Variants in EFNA5 observed in about 807,000 individuals in gnomAD.
EFNA5 encodes the protein ephrin A5, also known as ephrin-A5.
EFNA5 carries 5 observed loss-of-function variants against 22.9 expected under a neutral mutation model. The observed-to-expected ratio is 0.22, with a 90% CI of 0.11 to 0.46. EFNA5 has a LOEUF of 0.46. Ranked by LOEUF, EFNA5 falls within the 20% of genes least tolerant of loss-of-function variation. EFNA5 has a pLI of 0.99. For synonymous variants in EFNA5, 113 were observed against 112.2 expected, an observed-to-expected ratio of 1.01 and a Z score of -0.04; for missense variants, 237 against 293.3, an observed-to-expected ratio of 0.81 and a Z score of 1.40.
chr5:107,437,547 T>C (rs1271868948), intron 1 of EFNA5, among the ~76,000 whole-genome samples: 3 of 152,258 alleles, frequency 2.0e-5, no homozygotes, highest in Non-Finnish European at 4.4e-5. Context: ...TGAATGCAAA[T>C]TGCTGTAATT....
Position 107,541,143 on chromosome 5 carries a change from T to C in EFNA5, c.126-113634A>G, listed in dbSNP as rs1002296890. Among the ~76,000 whole-genome samples the C allele has an allele frequency of 9.9e-5, 15 of 152,060 alleles. No homozygotes were observed. In the East Asian group the frequency reaches 2.7e-3, roughly 27 times the overall value. On this transcript the variant is annotated intron_variant, in intron 1 of 4. Transcript: ENST00000333274. The stretch of plus-strand genomic sequence containing the variant: ...GAAGAAAGAAAGAAAAAGAAAAAAA[T>C]TAACTTTTATAAAGATTTCAATGGG...
At chr5:107,513,277 A>G (rs1369588396) in intron 1 of EFNA5, among the ~76,000 whole-genome samples, 2 of 152,142 alleles carry the variant, frequency 1.3e-5, no homozygotes, top group East Asian at 1.9e-4. Context: ...AGAGAGAGAG[A>G]GACTCTATCA....
chr5:107,597,922 A>G (rs1413031170), intron 1 of EFNA5, among the ~76,000 whole-genome samples: 1 of 152,188 alleles, frequency 6.6e-6, no homozygotes, highest in Non-Finnish European at 1.5e-5. Flanking sequence ...GTATTAAACA[A>G]ATGGAGAGAC....
intron 1 of EFNA5, among the ~76,000 whole-genome samples, chr5:107,579,284 T>A (rs1240254443): frequency 6.6e-6 from 1 of 152,206 alleles, no homozygotes; most frequent in African/African-American, 2.4e-5. Context: ...CTGTGTGACA[T>A]GGAGCCAGGT....
chr5:107,406,170 T>A (rs113134177), intron 2 of EFNA5, among the ~76,000 whole-genome samples: 11 of 148,200 alleles, frequency 7.4e-5, no homozygotes, highest in South Asian at 2.1e-4. Context: ...TTCTATGTAT[T>A]TATATACATA....
intron 1 of EFNA5, among the ~76,000 whole-genome samples, chr5:107,473,796 G>T (rs1401917886): frequency 6.6e-6 from 1 of 151,932 alleles, no homozygotes; most frequent in Non-Finnish European, 1.5e-5. Context: ...GAATAGCTGG[G>T]ATTACAGGCA....
At chr5:107,587,506 C>A (rs761653615) in intron 1 of EFNA5, among the ~76,000 whole-genome samples, 6 of 152,018 alleles carry the variant, frequency 3.9e-5, no homozygotes, top group Non-Finnish European at 7.4e-5. Flanking sequence ...TTGTTTTTGC[C>A]ACCTATAGTT....
chr5:107,605,309 C>T (rs577306093), intron 1 of EFNA5, among the ~76,000 whole-genome samples: 1 of 151,966 alleles, frequency 6.6e-6, no homozygotes, highest in Non-Finnish European at 1.5e-5. Context: ...TGCATGATGC[C>T]GAGACCATAA....
chr5:107,589,644 G>GA (rs1482504500), intron 1 of EFNA5, among the ~76,000 whole-genome samples: 1 of 152,178 alleles, frequency 6.6e-6, no homozygotes, highest in African/African-American at 2.4e-5. Context: ...AATGCGGAGT[G>GA]AAAGAGGCCA....
At position 107,514,588 on chromosome 5, in the gene EFNA5, A is replaced by G. The variant is rs946266424; in HGVS notation, c.126-87079T>C. On this transcript the variant is annotated intron_variant, in intron 1 of 4. Coordinates refer to ENST00000333274, the MANE Select transcript of EFNA5 (RefSeq NM_001962.3). ...ACAAGGGCAGATTTATTTTTCTGCC[A>G]GAAGGAACCATCAACACAAAGGCCA... 7.2e-5 allele frequency among the ~76,000 whole-genome samples: 11 copies of G among 152,336 alleles called. No homozygotes were observed. The East Asian group carries it at 2.1e-3, about 29-fold the overall frequency.
chr5:107,472,530 TC>T (rs1246092070), intron 1 of EFNA5, among the ~76,000 whole-genome samples: 2 of 152,188 alleles, frequency 1.3e-5, no homozygotes, highest in African/African-American at 4.8e-5. Context: ...CAACCATCAC[TC>T]CACAGCTTTC....
At chr5:107,510,521 T>G (rs1279336684) in intron 1 of EFNA5, among the ~76,000 whole-genome samples, 1 of 152,180 alleles carries the variant, frequency 6.6e-6, no homozygotes, top group Non-Finnish European at 1.5e-5. Flanking sequence ...CCTTGCGAGA[T>G]CCAAGAACCC....
At chr5:107,577,852 C>T (rs1748957897) in intron 1 of EFNA5, among the ~76,000 whole-genome samples, 2 of 152,216 alleles carry the variant, frequency 1.3e-5, no homozygotes, top group African/African-American at 4.8e-5. Flanking sequence ...AGCATATTGT[C>T]TGCCATCCAC....
At chr5:107,651,955 C>T (rs1272729107) in intron 1 of EFNA5, among the ~76,000 whole-genome samples, 1 of 152,124 alleles carries the variant, frequency 6.6e-6, no homozygotes, top group African/African-American at 2.4e-5. Flanking sequence ...TTACAAAGAA[C>T]AATGCAATAT....
chr5:107,411,166 C>G (rs1048628067), intron 2 of EFNA5, among the ~76,000 whole-genome samples: 1 of 152,040 alleles, frequency 6.6e-6, no homozygotes, highest in Non-Finnish European at 1.5e-5. Flanking sequence ...TGACCTCTGC[C>G]CCTGTTGCAC....
chr5:107,419,742 C>G (rs1748604861), intron 2 of EFNA5, among the ~76,000 whole-genome samples: 1 of 152,158 alleles, frequency 6.6e-6, no homozygotes, highest in African/African-American at 2.4e-5. Context: ...CAGTATTTGA[C>G]CACAGTCCTA....
chr5:107,438,357 T>C (rs1270044470), intron 1 of EFNA5, among the ~76,000 whole-genome samples: 1 of 152,188 alleles, frequency 6.6e-6, no homozygotes, highest in African/African-American at 2.4e-5. Flanking sequence ...TTCATCAGGC[T>C]GCTTCACAAA....
At chr5:107,592,728 C>T (rs1026660366) in intron 1 of EFNA5, among the ~76,000 whole-genome samples, 11 of 152,050 alleles carry the variant, frequency 7.2e-5, no homozygotes, top group Non-Finnish European at 1.5e-4. Flanking sequence ...GTGAGCGAAT[C>T]GGCATCTGTG....
chr5:107,509,296 G>A (rs1747315373), intron 1 of EFNA5, among the ~76,000 whole-genome samples: 1 of 151,632 alleles, frequency 6.6e-6, no homozygotes, highest in South Asian at 2.1e-4. Context: ...GCAAAAGTGA[G>A]TGTCAACTCT....
Sources: gnomAD v4.1 joint callset for allele counts (sites outside exome capture counted in the v4.1 genomes callset) on GRCh38, gnomAD v4.1.1 for gene constraint, MANE v1.5 for transcripts, NCBI Gene and HGNC (gene_info 2026-07-23, HGNC 2026-07-21) for gene names.